Variants in ANO4 observed in about 807,000 individuals in gnomAD.
ANO4 encodes the protein anoctamin 4.
ANO4 carries 69 observed loss-of-function variants against 141.9 expected under a neutral mutation model. The observed-to-expected ratio is 0.49, with a 90% CI of 0.40 to 0.59. ANO4 has a LOEUF of 0.59. ANO4 is among the 20% of genes least tolerant of loss of function. The pLI, the probability that ANO4 is intolerant of heterozygous loss-of-function variation, is 0.00. For synonymous variants in ANO4, 350 were observed against 394.3 expected, an observed-to-expected ratio of 0.89 and a Z score of 1.33; for missense variants, 894 against 1,162.2, an observed-to-expected ratio of 0.77 and a Z score of 3.36.
chr12:100,995,123 T>C (rs886462364), intron 8 of ANO4, among the ~76,000 whole-genome samples: 2 of 88,890 alleles, frequency 2.2e-5, no homozygotes, highest in Admixed American at 2.8e-4. Flanking sequence ...AAAAAGAGGG[T>C]GGGGTGAGGG....
intron 8 of ANO4, among the ~76,000 whole-genome samples, chr12:101,007,713 C>T (rs1444165787): frequency 6.6e-6 from 1 of 152,104 alleles, no homozygotes; most frequent in Non-Finnish European, 1.5e-5. Context: ...ACCCAGAACT[C>T]AGAGTTTTGT....
intron 8 of ANO4, among the ~76,000 whole-genome samples, chr12:101,015,407 T>TAA (rs2046277738): frequency 6.9e-6 from 1 of 144,406 alleles, no homozygotes; most frequent in African/African-American, 2.6e-5. Flanking sequence ...TTGTCCTGTC[T>TAA]TGGAGATTTT....
At chr12:101,085,436 A>G (rs1369703753) in intron 16 of ANO4, among the ~76,000 whole-genome samples, 4 of 152,200 alleles carry the variant, frequency 2.6e-5, no homozygotes, top group African/African-American at 4.8e-5. Context: ...ATTATTTCCT[A>G]AACAATACAG....
At chr12:100,989,275 A>G (rs2044925664) in intron 8 of ANO4, among the ~76,000 whole-genome samples, 10 of 152,260 alleles carry the variant, frequency 6.6e-5, no homozygotes, top group Admixed American at 6.5e-4. Context: ...ATGTTAATTC[A>G]GAGATCAGGG....
chr12:101,113,844 G>C (rs1255877040), intron 24 of ANO4, among the ~76,000 whole-genome samples: 1 of 152,090 alleles, frequency 6.6e-6, no homozygotes, highest in Non-Finnish European at 1.5e-5. Flanking sequence ...TGAGTGTGTG[G>C]TCTTCTCAGA....
intron 1 of ANO4, among the ~76,000 whole-genome samples, chr12:100,873,029 G>A (rs1593588720): frequency 6.6e-6 from 1 of 152,042 alleles, no homozygotes; most frequent in Non-Finnish European, 1.5e-5. Flanking sequence ...TCCTTCTTTG[G>A]CCACATAAGA....
intron 3 of ANO4, among the ~76,000 whole-genome samples, chr12:100,926,029 C>CATT (rs2041858390): frequency 6.6e-6 from 1 of 151,866 alleles, no homozygotes; most frequent in Admixed American, 6.6e-5. Context: ...AGATTTTCTC[C>CATT]ATTTTAAAGG....
In ANO4 at chr12:101,120,504, T is replaced by C; in HGVS notation, c.2571-16T>C. On this transcript the variant is annotated splice_polypyrimidine_tract_variant and intron_variant, in intron 25 of 27. Coordinates refer to ENST00000392977, the MANE Select transcript of ANO4 (RefSeq NM_001286615.2). ...AAATCATAGTTTGAATGCAACATTT[T>C]TCTGTGTCTTTATAGATACCGGGAC... The C allele has an allele frequency of 6.2e-7, 1 of 1,603,016 alleles. No individual in the cohort carries two copies. Among genetic ancestry groups the C allele is most frequent in the African/African-American group, 1.3e-5 (1 of 74,754 alleles).
At chr12:100,868,737 A>G (rs2038887102) in intron 1 of ANO4, among the ~76,000 whole-genome samples, 1 of 152,086 alleles carries the variant, frequency 6.6e-6, no homozygotes, top group African/African-American at 2.4e-5. Context: ...TGCTCATCCT[A>G]GGTCCACTTC....
chr12:100,918,478 G>GT (rs1410233499), intron 2 of ANO4, among the ~76,000 whole-genome samples: 2 of 152,170 alleles, frequency 1.3e-5, no homozygotes, highest in Non-Finnish European at 2.9e-5. Context: ...AAATGGGTAT[G>GT]TTTTTTAATA....
At chr12:101,059,070 A>G (rs979839208) in intron 14 of ANO4, among the ~76,000 whole-genome samples, 3 of 152,176 alleles carry the variant, frequency 2.0e-5, no homozygotes, top group Non-Finnish European at 4.4e-5. Context: ...TTTTAGCATG[A>G]AGCGGTGTTG....
At chr12:101,021,218 C>T (rs529364199) in intron 9 of ANO4, among the ~76,000 whole-genome samples, 20 of 152,280 alleles carry the variant, frequency 1.3e-4, no homozygotes, top group African/African-American at 4.8e-4. Flanking sequence ...CCAAGGAAGT[C>T]ATTCTTTGGG....
chr12:100,869,117 A>G (rs1361575082), intron 1 of ANO4, among the ~76,000 whole-genome samples: 1 of 152,166 alleles, frequency 6.6e-6, no homozygotes, highest in East Asian at 1.9e-4. Context: ...AACCTGAAAC[A>G]CTGAATCCTA....
At chr12:100,721,478 T>C (rs542601606) in intron 1 of ANO4, among the ~76,000 whole-genome samples, 117 of 152,030 alleles carry the variant, frequency 7.7e-4, no homozygotes, top group Non-Finnish European at 1.4e-3. Context: ...AACAGCAACA[T>C]GAATGAAGAT....
chr12:100,815,771 T>TG lies in ANO4; in HGVS notation c.-141+20744_-141+20745insG, dbSNP rs543521687. ...CATATATATGTGTGTGTGTGTGTGT[T>TG]TGTGTGTGTGAATTTATGCATATGT... On this transcript the variant is annotated intron_variant, in intron 1 of 27. Coordinates refer to ENST00000392977, the MANE Select transcript of ANO4 (RefSeq NM_001286615.2). 3.2e-3 allele frequency among the ~76,000 whole-genome samples: 470 copies of TG among 148,898 alleles called. 3 individuals carry two copies. Among genetic ancestry groups the TG allele is most frequent in the African/African-American group, 0.011 (422 of 40,160 alleles).
At chr12:100,940,735 A>G (rs1174125380) in intron 4 of ANO4, among the ~76,000 whole-genome samples, 1 of 152,138 alleles carries the variant, frequency 6.6e-6, no homozygotes, top group Non-Finnish European at 1.5e-5. Flanking sequence ...TCATACCACC[A>G]TTGGAAAAGA....
chr12:100,737,717 C>T (rs1272953768), intron 2 of ANO4, among the ~76,000 whole-genome samples: 1 of 151,752 alleles, frequency 6.6e-6, no homozygotes, highest in Non-Finnish European at 1.5e-5. Flanking sequence ...AACAAAAATA[C>T]TTTACAACCT....
In ANO4 at chr12:100,743,717, C is replaced by G. The variant is rs145911184; in HGVS notation, c.358+3612C>G. Among the ~76,000 whole-genome samples the G allele has an allele frequency of 2.1e-3, 313 of 152,166 alleles. 1 individual carries two copies. Among genetic ancestry groups the G allele is most frequent in the African/African-American group, 7.0e-3 (291 of 41,522 alleles). On this transcript the variant is annotated intron_variant, in intron 3 of 29. Transcript: ENST00000644049. ...AAACTATTGTCACTTTATTTCCTTC[C>G]AATTTTTATTTTAGGTTTGGGAGTA...
At chr12:101,085,023 G>A (rs924868340) in intron 16 of ANO4, among the ~76,000 whole-genome samples, 1 of 152,170 alleles carries the variant, frequency 6.6e-6, no homozygotes, top group African/African-American at 2.4e-5. Flanking sequence ...TTAAGATCTG[G>A]ACAGGTTTTT....
Sources: allele counts gnomAD v4.1 joint callset (sites outside exome capture counted in the v4.1 genomes callset), GRCh38; gene constraint gnomAD v4.1.1; transcripts MANE v1.5; gene names NCBI Gene and HGNC (gene_info 2026-07-23, HGNC 2026-07-21).